The following DDX60L variants were observed in gnomAD, a reference collection of about 807,000 sequenced individuals.
The protein encoded by DDX60L is DExD/H-box 60 like.
In DDX60L, 191 loss-of-function variants were observed where a neutral mutation model predicts 211.6. The ratio of observed to expected loss-of-function variants is 0.90; its 90% CI spans 0.80 to 1.02. DDX60L has a LOEUF of 1.02. Ranked by LOEUF, DDX60L falls within the 50% of genes least tolerant of loss-of-function variation. The pLI, the probability that DDX60L is intolerant of heterozygous loss-of-function variation, is 0.00. For missense variants in DDX60L, 2,007 were observed against 1,984.1 expected (o/e 1.01, Z -0.22); for synonymous variants, 706 against 694.1 (o/e 1.02, Z -0.27).
At chr4:168,423,548 T>C (rs910975566) in intron 15 of DDX60L, 60 bp downstream of exon 15, 15 of 1,258,466 alleles carry the variant, frequency 1.2e-5, no homozygotes, top group Non-Finnish European at 1.5e-5. Flanking sequence ...ACCTATTAGT[T>C]ATTCTTCCAT....
At chr4:168,379,936 T>C in intron 30 of DDX60L, 106 bp from the exon 31 acceptor site, 1 of 684,866 alleles carries the variant, frequency 1.5e-6, no homozygotes, top group Non-Finnish European at 2.3e-6. Flanking sequence ...GGTTACCAGA[T>C]CTTACGTGAA....
chr4:168,449,652 C>CAAAAAAAAAAAAAAAAAAAAAAAAATAAA, intron 8 of DDX60L, among the ~76,000 whole-genome samples: 1 of 7,934 alleles, frequency 1.3e-4, no homozygotes, highest in African/African-American at 6.1e-4. Context: ...AAAAAAAATG[C>CAAAAAAAAAAAAAAAAAAAAAAAAATAAA]AAAAAAAAAA....
At chr4:168,428,847 A>G (rs918671157) in intron 13 of DDX60L, among the ~76,000 whole-genome samples, 3 of 152,158 alleles carry the variant, frequency 2.0e-5, no homozygotes, top group Non-Finnish European at 4.4e-5. Context: ...ACTTTTCCAC[A>G]TTATCTTTTT....
intron 1 of DDX60L, among the ~76,000 whole-genome samples, chr4:168,474,328 G>GT (rs1330736532): frequency 6.6e-6 from 1 of 152,118 alleles, no homozygotes; most frequent in East Asian, 1.9e-4. Flanking sequence ...AAGCACTGTA[G>GT]TTTTTAAAAT....
chr4:168,390,419 T>C (rs1744595155), intron 29 of DDX60L: 6 of 1,297,186 alleles, frequency 4.6e-6, no homozygotes, highest in Non-Finnish European at 4.9e-6. Context: ...AAGGAAAATA[T>C]GGCTTTTAAA....
In DDX60L at chr4:168,373,767, G is replaced by A. The variant is rs767956094; in HGVS notation, c.4675C>T (p.His1559Tyr). Residue 1559 changes from histidine to tyrosine, a missense_variant, in exon 35 of 38, where the codon CAC becomes TAC. Physicochemically the swap from His to Tyr is moderately conservative, Grantham distance 83. Coordinates refer to ENST00000682922, the MANE Select transcript of DDX60L (RefSeq NM_001012967.3). ...KECEDSQLVS[H>Y]LMSCKKGRVA... ...CTTCCTTTCTTGCAGCTCATCAAGTGAGACACGAGTTGGGAGTCTTCACAT... is the reference window on the plus strand; with the variant it reads ...CTTCCTTTCTTGCAGCTCATCAAGTAAGACACGAGTTGGGAGTCTTCACAT... 1.2e-6 allele frequency: 2 copies of A among 1,614,066 alleles called. No individual in the cohort carries two copies. The highest frequency in any genetic ancestry group is 1.7e-5 in the Admixed American group (1 of 60,012).
intron 36 of DDX60L, 175 bp from the exon 37 acceptor site, chr4:168,361,386 C>CA (rs574505931): frequency 1.1e-4 from 52 of 474,082 alleles, no homozygotes; most frequent in South Asian, 6.0e-4. Flanking sequence ...GTAAAAACCA[C>CA]AAAAAAAATT....
At chr4:168,359,616 A>C (rs1014264591) in intron 37 of DDX60L, among the ~76,000 whole-genome samples, 1 of 152,154 alleles carries the variant, frequency 6.6e-6, no homozygotes, top group Non-Finnish European at 1.5e-5. Flanking sequence ...TCTTGAGTTA[A>C]TCTATATACC....
At position 168,432,583 on chromosome 4, in the gene DDX60L, A is replaced by G; in HGVS notation, c.1401-13T>C. On this transcript the variant is annotated splice_polypyrimidine_tract_variant and intron_variant, in intron 11 of 37. Coordinates refer to ENST00000682922, the MANE Select transcript of DDX60L (RefSeq NM_001012967.3). ...AACCGGATCATCACTGTAAAAATAA[A>G]TACATAATTTTTTTAAATTTTAAGC... The G allele has an allele frequency of 6.8e-7, 1 of 1,462,814 alleles. No individual in the cohort carries two copies. Among genetic ancestry groups the G allele is most frequent in the Non-Finnish European group, 9.2e-7 (1 of 1,089,620 alleles). 90.6% of individuals were successfully genotyped at this position (1,462,814 alleles called of 1,614,324 possible).
intron 19 of DDX60L, among the ~76,000 whole-genome samples, chr4:168,417,376 G>A (rs540959278): frequency 2.0e-5 from 3 of 152,160 alleles, no homozygotes; most frequent in Middle Eastern, 3.4e-3. Context: ...TTGAACACAC[G>A]TGTTCCACCT....
intron 5 of DDX60L, among the ~76,000 whole-genome samples, chr4:168,458,872 T>G (rs1756937962): frequency 6.6e-6 from 1 of 152,206 alleles, no homozygotes; most frequent in Non-Finnish European, 1.5e-5. Flanking sequence ...GTATACTAAG[T>G]AAAATCACCC....
chr4:168,459,774 GGGAAGGAA>G (rs70961524), intron 5 of DDX60L, among the ~76,000 whole-genome samples: 1,232 of 56,906 alleles, frequency 0.022, 34 homozygotes, highest in African/African-American at 0.067. Context: ...GAAGGAAGGA[GGGAAGGAA>G]GGAAGGAAGG....
intron 24 of DDX60L, among the ~76,000 whole-genome samples, chr4:168,405,627 G>A (rs1397796183): frequency 6.6e-6 from 1 of 152,164 alleles, no homozygotes; most frequent in Non-Finnish European, 1.5e-5. Context: ...TTCCTCTGGA[G>A]CCAGTCCCTC....
At chr4:168,386,406 T>A (rs1743875742) in intron 29 of DDX60L, among the ~76,000 whole-genome samples, 1 of 152,184 alleles carries the variant, frequency 6.6e-6, no homozygotes, top group East Asian at 1.9e-4. Flanking sequence ...GGAAGAGGTA[T>A]GTCAAGGACC....
At chr4:168,417,025 T>C (rs1444881640) in intron 19 of DDX60L, among the ~76,000 whole-genome samples, 4 of 152,226 alleles carry the variant, frequency 2.6e-5, no homozygotes, top group South Asian at 4.1e-4. Context: ...AAAATCTATT[T>C]TGAAGCTATG....
At chr4:168,391,180 A>T (rs1202968857) in intron 29 of DDX60L, among the ~76,000 whole-genome samples, 1 of 152,224 alleles carries the variant, frequency 6.6e-6, no homozygotes, top group Non-Finnish European at 1.5e-5. Flanking sequence ...GGAAACAGCT[A>T]ACGCAAGGAA....
At chr4:168,358,366 C>T (rs115559281) in intron 37 of DDX60L, 90 bp from the exon 38 acceptor site, 9,792 of 944,974 alleles carry the variant, frequency 0.01, 77 homozygotes, top group Non-Finnish European at 0.013. Flanking sequence ...AGTAATTCCC[C>T]CCAAAATCTA....
chr4:168,365,085 T>A (rs1739743927), intron 36 of DDX60L, among the ~76,000 whole-genome samples: 2 of 151,970 alleles, frequency 1.3e-5, no homozygotes, highest in Admixed American at 1.3e-4. Flanking sequence ...GAAGAAACAT[T>A]TTTACTAAAC....
At chr4:168,397,419 C>A (rs1745993792) in intron 26 of DDX60L, among the ~76,000 whole-genome samples, 1 of 152,138 alleles carries the variant, frequency 6.6e-6, no homozygotes, top group African/African-American at 2.4e-5. Flanking sequence ...AATCCAAATG[C>A]TTTAATGATT....
Sources: gnomAD v4.1 joint callset for allele counts (sites outside exome capture counted in the v4.1 genomes callset) on GRCh38, gnomAD v4.1.1 for gene constraint, MANE v1.5 for transcripts, NCBI Gene and HGNC (gene_info 2026-07-23, HGNC 2026-07-21) for gene names.